ACSL5: variants seen among roughly 807,000 people sequenced by gnomAD.
ACSL5 encodes the protein acyl-CoA synthetase long chain family member 5, also known as long-chain-fatty-acid--CoA ligase 5.
A neutral mutation model predicts 84.9 loss-of-function variants in ACSL5; 50 were observed. The ratio of observed to expected loss-of-function variants is 0.59; its 90% CI spans 0.47 to 0.75. The LOEUF is 0.75. Ranked by LOEUF, ACSL5 falls within the 30% of genes least tolerant of loss-of-function variation. The pLI is 0.00. For synonymous variants in ACSL5, 280 were observed against 300.7 expected, an observed-to-expected ratio of 0.93 and a Z score of 0.71; for missense variants, 775 against 830.4, an observed-to-expected ratio of 0.93 and a Z score of 0.82.
In ACSL5 at chr10:112,387,936, C is replaced by CTTTT. The variant is rs35032191; in HGVS notation, c.-29-6966_-29-6963dup. Among the ~76,000 whole-genome samples the CTTTT allele has an allele frequency of 2.0e-4, 24 of 118,430 alleles. 1 individual carries two copies. The highest frequency in any genetic ancestry group is 7.4e-4 in the East Asian group (3 of 4,062). 77.7% of individuals were successfully genotyped at this position (118,430 alleles called of 152,430 possible). A position where few individuals can be genotyped will look rare whatever the true frequency, so the allele number is the denominator to read the frequency against. ...AGGTAACAGAATGATTTATTTGTTC[C>CTTTT]TTTTTTTTTTTTTTTTTTTGGAGAC... On this transcript the variant is annotated intron_variant, in intron 1 of 20. Coordinates refer to ENST00000354655, the MANE Select transcript of ACSL5 (RefSeq NM_203379.2).
intron 14 of ACSL5, chr10:112,419,511 G>A (rs1420962557): frequency 3.3e-5 from 5 of 152,032 alleles, no homozygotes; most frequent in Non-Finnish European, 5.9e-5. Context: ...TTCCAATTTT[G>A]TAATGTTTGC....
chr10:112,401,835 TCTTTCTTCCTTC>T (rs200834574), intron 3 of ACSL5, among the ~76,000 whole-genome samples: 10,401 of 100,536 alleles, frequency 0.1, 399 homozygotes, highest in Admixed American at 0.16. Context: ...TTTCTTTCTT[TCTTTCTTCCTTC>T]CTTCCTTCCT....
chr10:112,425,500 A>G lies in ACSL5; in HGVS notation c.1737+19A>G. On this transcript the variant is annotated intron_variant, in intron 18 of 20. Transcript: ENST00000354655. The stretch of plus-strand genomic sequence containing the variant: ...CTTACGGGTAATATATCATTTTAAC[A>G]ATAGCCCATTTCAGTCACAAACCAT... The G allele has an allele frequency of 5.1e-6, 8 of 1,580,596 alleles. No homozygotes were observed. Among genetic ancestry groups the G allele is most frequent in the Non-Finnish European group, 6.9e-6 (8 of 1,163,308 alleles).
chr10:112,398,491 G>A (rs947669389), intron 2 of ACSL5, among the ~76,000 whole-genome samples: 10 of 151,414 alleles, frequency 6.6e-5, no homozygotes, highest in Non-Finnish European at 1.3e-4. Context: ...TGCAACCTCT[G>A]CCTCCCCGGT....
At chr10:112,376,049 G>A (rs937478649) in intron 1 of ACSL5, 2 of 425,254 alleles carry the variant, frequency 4.7e-6, no homozygotes, top group Non-Finnish European at 8.5e-6. Flanking sequence ...GGCCACAGGA[G>A]GGCAGGGTCA....
At chr10:112,376,246 C>A (rs1849235350) in intron 1 of ACSL5, 1 of 1,590,576 alleles carries the variant, frequency 6.3e-7, no homozygotes, top group Admixed American at 1.8e-5. Context: ...CCTGACATGG[C>A]CTGACTCGGG....
Position 112,376,531 on chromosome 10 carries a change from C to T in ACSL5, c.-30+2262C>T, listed in dbSNP as rs1284866057. The T allele has an allele frequency of 1.0e-5, 16 of 1,571,720 alleles. No homozygotes were observed. The East Asian group carries it at 1.1e-4, about 11-fold the overall frequency. The stretch of plus-strand genomic sequence containing the variant: ...GAGGCCAAGGGGGCATCCTGACCCC[C>T]GACTTTCTTTAAGCGACTTAGAATC... On this transcript the variant is annotated intron_variant, in intron 1 of 20. Coordinates refer to ENST00000354655, the MANE Select transcript of ACSL5 (RefSeq NM_203379.2).
chr10:112,379,991 T>C (rs1849317709), intron 1 of ACSL5, among the ~76,000 whole-genome samples: 1 of 152,188 alleles, frequency 6.6e-6, no homozygotes, highest in East Asian at 1.9e-4. Context: ...CCTATCTTTT[T>C]ACAGACCCCC....
intron 1 of ACSL5, among the ~76,000 whole-genome samples, chr10:112,389,699 G>A (rs1849519646): frequency 6.6e-6 from 1 of 152,146 alleles, no homozygotes; most frequent in Non-Finnish European, 1.5e-5. Flanking sequence ...CAAAAGGAGG[G>A]TGACTTTTTT....
rs1359839729 is a variant in ACSL5, at chr10:112,425,331, C to T, written c.1594-7C>T. The T allele has an allele frequency of 6.2e-7, 1 of 1,606,694 alleles. No individual in the cohort carries two copies. The highest frequency in any genetic ancestry group is 1.7e-5 in the Admixed American group (1 of 58,948). On this transcript the variant is annotated splice_region_variant and splice_polypyrimidine_tract_variant and intron_variant, in intron 17 of 20. Coordinates refer to ENST00000354655, the MANE Select transcript of ACSL5 (RefSeq NM_203379.2). Reference sequence around the variant, plus strand: ...AAAATACTGATACTTTTATCTGTCTCATGTAGAATGGAACTCTGAAGATCA... The same window carrying T: ...AAAATACTGATACTTTTATCTGTCTTATGTAGAATGGAACTCTGAAGATCA...
chr10:112,400,406 C>CTTTTTTTTTT (rs573644087), intron 3 of ACSL5, among the ~76,000 whole-genome samples: 6 of 98,888 alleles, frequency 6.1e-5, no homozygotes, highest in African/African-American at 1.2e-4. Context: ...TTTTTCTTTT[C>CTTTTTTTTTT]TTTTTTTTTT....
chr10:112,427,537 A>G lies in ACSL5; in HGVS notation c.*179A>G, dbSNP rs1844782636. 1 of 492,368 alleles carries G rather than the reference A, an allele frequency of 2.0e-6. No homozygotes were observed. Among genetic ancestry groups the G allele is most frequent in the South Asian group, 4.7e-5 (1 of 21,488 alleles). 30.5% of individuals were successfully genotyped at this position (492,368 alleles called of 1,614,324 possible). ...ATGTGTAAACTTAGTTCCCAAATAA[A>G]TCAATCCTGTCTTTCCCATCTTCGA... On this transcript the variant is annotated 3_prime_UTR_variant, in exon 21 of 21. Transcript: ENST00000354655.
chr10:112,397,092 C>T (rs554869999), intron 2 of ACSL5, among the ~76,000 whole-genome samples: 1 of 152,200 alleles, frequency 6.6e-6, no homozygotes, highest in African/African-American at 2.4e-5. Context: ...CCTGTTGTAG[C>T]TCCAGGGTCC....
At chr10:112,410,428 T>G in intron 7 of ACSL5, 35 bp from the exon 8 acceptor site, 1 of 1,613,528 alleles carries the variant, frequency 6.2e-7, no homozygotes, top group South Asian at 1.1e-5. Context: ...CCATCTCAAC[T>G]AATGTCTTTC....
chr10:112,390,235 T>A (rs971815327), intron 1 of ACSL5, among the ~76,000 whole-genome samples: 15 of 152,110 alleles, frequency 9.9e-5, no homozygotes, highest in South Asian at 2.1e-4. Flanking sequence ...TGAGTAGACA[T>A]TTCTTCAAAA....
At chr10:112,420,920 C>T (rs1280874734) in intron 14 of ACSL5, among the ~76,000 whole-genome samples, 1 of 152,098 alleles carries the variant, frequency 6.6e-6, no homozygotes, top group East Asian at 1.9e-4. Flanking sequence ...TGGGGTTTCA[C>T]CATGTTGGTC....
intron 2 of ACSL5, among the ~76,000 whole-genome samples, chr10:112,395,659 A>T (rs1379570165): frequency 6.6e-6 from 1 of 152,196 alleles, no homozygotes; most frequent in Non-Finnish European, 1.5e-5. Context: ...CACTCCCCCG[A>T]CTTTCAGCAA....
At chr10:112,378,871 G>T (rs192759547) in intron 1 of ACSL5, among the ~76,000 whole-genome samples, 214 of 152,318 alleles carry the variant, frequency 1.4e-3, no homozygotes, top group African/African-American at 4.9e-3. Flanking sequence ...CTCATTGTTT[G>T]AATAAATACA....
intron 17 of ACSL5, among the ~76,000 whole-genome samples, chr10:112,423,388 G>A (rs1844554963): frequency 6.7e-6 from 1 of 149,828 alleles, no homozygotes; most frequent in South Asian, 2.2e-4. Context: ...ATAGAGATGG[G>A]GTCTCGCTGA....
Sources: gnomAD v4.1 joint callset for allele counts (sites outside exome capture counted in the v4.1 genomes callset) on GRCh38, gnomAD v4.1.1 for gene constraint, MANE v1.5 for transcripts, NCBI Gene and HGNC (gene_info 2026-07-23, HGNC 2026-07-21) for gene names.